OPCML: variants seen among roughly 807,000 people sequenced by gnomAD.
OPCML encodes the protein opioid-binding protein/cell adhesion molecule.
OPCML carries 13 observed loss-of-function variants against 37.8 expected under a neutral mutation model. The observed-to-expected ratio is 0.34, with a 90% CI of 0.22 to 0.55. The LOEUF is 0.55. Ranked by LOEUF, OPCML falls within the 20% of genes least tolerant of loss-of-function variation. OPCML has a pLI of 0.91. For missense variants in OPCML, 341 were observed against 435.6 expected, an observed-to-expected ratio of 0.78 and a Z score of 1.93; for synonymous variants, 176 against 168.8, an observed-to-expected ratio of 1.04 and a Z score of -0.33.
intron 1 of OPCML, among the ~76,000 whole-genome samples, chr11:133,105,398 A>G (rs1273778739): frequency 6.6e-6 from 1 of 152,232 alleles, no homozygotes; most frequent in Non-Finnish European, 1.5e-5. Context: ...CAGGAAATGA[A>G]GAAAAGGTAT....
chr11:132,803,274 C>A (rs576477685), intron 2 of OPCML, among the ~76,000 whole-genome samples: 1 of 152,202 alleles, frequency 6.6e-6, no homozygotes, highest in East Asian at 1.9e-4. Flanking sequence ...AAAATCAATG[C>A]ACATGTGTTT....
intron 1 of OPCML, chr11:133,422,620 T>C: frequency 2.1e-6 from 2 of 961,346 alleles, no homozygotes; most frequent in Non-Finnish European, 2.5e-6. Context: ...GCCTCCCGAG[T>C]AGTTGAGATT....
chr11:132,803,083 T>C (rs1938771621), intron 2 of OPCML, among the ~76,000 whole-genome samples: 1 of 152,136 alleles, frequency 6.6e-6, no homozygotes, highest in South Asian at 2.1e-4. Context: ...CTGGACACGA[T>C]AACATCCTCA....
At chr11:132,484,366 A>G (rs1311112569) in intron 4 of OPCML, among the ~76,000 whole-genome samples, 1 of 152,224 alleles carries the variant, frequency 6.6e-6, no homozygotes, top group African/African-American at 2.4e-5. Flanking sequence ...AACCACAATG[A>G]GATACCATCT....
intron 4 of OPCML, among the ~76,000 whole-genome samples, chr11:132,486,450 T>TA (rs556591759): frequency 4.4e-4 from 67 of 152,232 alleles, no homozygotes; most frequent in Admixed American, 1.4e-3. Flanking sequence ...CAGTTTTTTT[T>TA]AAACCATACT....
chr11:132,977,637 G>T (rs1946492871), intron 1 of OPCML, among the ~76,000 whole-genome samples: 1 of 152,154 alleles, frequency 6.6e-6, no homozygotes. Context: ...ATATTTGGGA[G>T]CCCTGGGAGT....
intron 1 of OPCML, chr11:133,439,359 C>G (rs1382522845): frequency 1.0e-6 from 1 of 985,084 alleles, no homozygotes; most frequent in Non-Finnish European, 1.2e-6. Flanking sequence ...CAAACTCCAC[C>G]ATGCCACACC....
At chr11:132,470,545 T>C (rs919206683) in intron 4 of OPCML, among the ~76,000 whole-genome samples, 1 of 152,208 alleles carries the variant, frequency 6.6e-6, no homozygotes, top group Non-Finnish European at 1.5e-5. Context: ...ATTTGACACG[T>C]ATGTGAGCAT....
At chr11:133,035,068 C>G (rs368467753) in intron 1 of OPCML, among the ~76,000 whole-genome samples, 1 of 152,178 alleles carries the variant, frequency 6.6e-6, no homozygotes, top group Non-Finnish European at 1.5e-5. Context: ...GGAAAGGATG[C>G]TCTGGGAGAG....
chr11:133,399,927 A>C (rs147994212), intron 1 of OPCML, among the ~76,000 whole-genome samples: 2 of 151,740 alleles, frequency 1.3e-5, no homozygotes, highest in East Asian at 1.9e-4. Flanking sequence ...TAATGCATGC[A>C]CACGTCTGTT....
At chr11:132,888,173 G>A (rs1168668200) in intron 2 of OPCML, among the ~76,000 whole-genome samples, 1 of 152,160 alleles carries the variant, frequency 6.6e-6, no homozygotes, top group Admixed American at 6.5e-5. Flanking sequence ...AGCCTGGTTT[G>A]ACGTTCAGTT....
At chr11:132,875,746 A>T (rs1330393746) in intron 2 of OPCML, among the ~76,000 whole-genome samples, 1 of 152,132 alleles carries the variant, frequency 6.6e-6, no homozygotes, top group East Asian at 1.9e-4. Flanking sequence ...TATAGGTGTG[A>T]GTCACCATGC....
At chr11:132,645,860 G>T (rs1488403136) in intron 3 of OPCML, among the ~76,000 whole-genome samples, 2 of 152,230 alleles carry the variant, frequency 1.3e-5, no homozygotes, top group Non-Finnish European at 2.9e-5. Context: ...ACGTTGAAGA[G>T]TGTAAATACA....
At chr11:133,213,860 G>A (rs944762560) in intron 1 of OPCML, among the ~76,000 whole-genome samples, 4 of 152,028 alleles carry the variant, frequency 2.6e-5, no homozygotes, top group Non-Finnish European at 5.9e-5. Flanking sequence ...AAATTACTGG[G>A]TCTCATTTTT....
intron 2 of OPCML, among the ~76,000 whole-genome samples, chr11:132,689,614 G>A (rs963176676): frequency 9.2e-5 from 14 of 152,202 alleles, no homozygotes; most frequent in Non-Finnish European, 1.8e-4. Context: ...TAACATCTCT[G>A]GAAGGTAGAG....
chr11:133,398,320 T>C (rs960602910), intron 1 of OPCML, among the ~76,000 whole-genome samples: 3 of 152,230 alleles, frequency 2.0e-5, no homozygotes, highest in African/African-American at 7.2e-5. Context: ...AGCTCCTTTG[T>C]TATGTCCCAG....
At chr11:133,428,895 G>A (rs901312255) in intron 1 of OPCML, among the ~76,000 whole-genome samples, 1 of 152,112 alleles carries the variant, frequency 6.6e-6, no homozygotes, top group African/African-American at 2.4e-5. Context: ...TTTTATTAAG[G>A]AAGAATAATA....
intron 1 of OPCML, among the ~76,000 whole-genome samples, chr11:133,410,707 C>A (rs964157700): frequency 7.9e-6 from 1 of 127,060 alleles, no homozygotes; most frequent in Non-Finnish European, 1.6e-5. Context: ...TTTGACGTTG[C>A]TGGGAGACAA....
At chr11:133,241,227 A>C (rs979979588) in intron 1 of OPCML, among the ~76,000 whole-genome samples, 1 of 152,216 alleles carries the variant, frequency 6.6e-6, no homozygotes, top group Non-Finnish European at 1.5e-5. Context: ...TCCATCGTTA[A>C]CACTCGGTTG....
Sources: gnomAD v4.1 joint callset for allele counts (sites outside exome capture counted in the v4.1 genomes callset) on GRCh38, gnomAD v4.1.1 for gene constraint, MANE v1.5 for transcripts, NCBI Gene and HGNC (gene_info 2026-07-23, HGNC 2026-07-21) for gene names.